The following WDPCP variants were observed in gnomAD, a reference collection of about 807,000 sequenced individuals.
The protein encoded by WDPCP is WD repeat-containing and planar cell polarity effector protein fritz homolog.
A neutral mutation model predicts 93.1 loss-of-function variants in WDPCP; 71 were observed. That is an observed-to-expected ratio of 0.76 (90% CI 0.63 to 0.93). The LOEUF (loss-of-function observed/expected upper bound fraction) is 0.93, where lower values mean the gene tolerates loss of function less well. WDPCP is among the 40% of genes least tolerant of loss of function. The pLI is 0.00. For synonymous variants in WDPCP, 315 were observed against 315.0 expected (o/e 1.00, Z 0.00); for missense variants, 844 against 887.4 (o/e 0.95, Z 0.62).
intron 2 of WDPCP, among the ~76,000 whole-genome samples, chr2:63,787,926 G>A (rs1387557938): frequency 6.6e-6 from 1 of 152,100 alleles, no homozygotes; most frequent in Admixed American, 6.6e-5. Context: ...TGTAATCCCA[G>A]CTACTTGGGA....
intron 2 of WDPCP, among the ~76,000 whole-genome samples, chr2:63,753,466 T>G (rs1015619734): frequency 6.6e-6 from 1 of 152,044 alleles, no homozygotes; most frequent in African/African-American, 2.4e-5. Flanking sequence ...TACCTGAGAC[T>G]AGGTAATTTA....
intron 2 of WDPCP, chr2:63,751,798 G>C (rs1381358403): frequency 1.5e-6 from 1 of 649,180 alleles, no homozygotes; most frequent in Non-Finnish European, 2.9e-6. Flanking sequence ...CAGTGCTTCT[G>C]CTTCCATAGT....
chr2:63,441,538 C>T (rs1697503794), intron 6 of WDPCP: 1 of 151,816 alleles, frequency 6.6e-6, no homozygotes, highest in Admixed American at 6.6e-5. Flanking sequence ...GGCTTGGCCA[C>T]ATTTATCTTT....
intron 15 of WDPCP, among the ~76,000 whole-genome samples, chr2:63,159,449 A>G (rs554386253): frequency 2.0e-5 from 3 of 152,168 alleles, no homozygotes; most frequent in African/African-American, 7.2e-5. Flanking sequence ...TAATTCCAAC[A>G]TTTGTCATCT....
chr2:63,390,111 T>C (rs935590900), intron 10 of WDPCP, among the ~76,000 whole-genome samples: 1 of 152,132 alleles, frequency 6.6e-6, no homozygotes, highest in South Asian at 2.1e-4. Flanking sequence ...CAGCACCACA[T>C]TGCACTTATT....
intron 6 of WDPCP, among the ~76,000 whole-genome samples, chr2:63,475,667 G>C (rs1489372302): frequency 2.6e-5 from 4 of 151,964 alleles, no homozygotes; most frequent in Non-Finnish European, 4.4e-5. Flanking sequence ...TATTAAAACA[G>C]GAATCAAAAT....
At chr2:63,165,735 A>G (rs946208946) in intron 15 of WDPCP, among the ~76,000 whole-genome samples, 2 of 151,246 alleles carry the variant, frequency 1.3e-5, no homozygotes, top group Non-Finnish European at 2.9e-5. Flanking sequence ...TCATTTGCAT[A>G]GAAATTTGCG....
At chr2:63,354,138 T>C (rs1476220598) in intron 12 of WDPCP, among the ~76,000 whole-genome samples, 1 of 152,112 alleles carries the variant, frequency 6.6e-6, no homozygotes, top group Non-Finnish European at 1.5e-5. Flanking sequence ...CAAGCTGCAG[T>C]AGACCCAAAG....
In WDPCP at chr2:63,630,374, TAC is replaced by T. The variant is rs771335923; in HGVS notation, n.488+20283_488+20284del. ...GATTTAAAAAGATGACCTAACTACA[TAC>T]AGTCTACAAGAAACTTACTTCAAAT... On this transcript the variant is annotated intron_variant and non_coding_transcript_variant, in intron 3 of 4. Transcript: ENST00000467687. Among the ~76,000 whole-genome samples the T allele has an allele frequency of 8.6e-4, 131 of 152,210 alleles. No individual in the cohort carries two copies. The Middle Eastern group carries it at 0.01, about 12-fold the overall frequency.
intron 2 of WDPCP, among the ~76,000 whole-genome samples, chr2:63,765,838 G>A (rs567982565): frequency 1.3e-5 from 2 of 152,320 alleles, no homozygotes; most frequent in East Asian, 3.9e-4. Flanking sequence ...CTCTTCTATT[G>A]TAGGAAGGAT....
chr2:63,796,349 G>C (rs1363393387), intron 2 of WDPCP, among the ~76,000 whole-genome samples: 1 of 152,192 alleles, frequency 6.6e-6, no homozygotes, highest in African/African-American at 2.4e-5. Flanking sequence ...TGCTCTGTAG[G>C]AACAACAGAT....
intron 2 of WDPCP, among the ~76,000 whole-genome samples, chr2:63,751,077 A>C (rs2103882600): frequency 6.6e-6 from 1 of 152,282 alleles, no homozygotes; most frequent in African/African-American, 2.4e-5. Context: ...TTCATCAGTG[A>C]AACCATCTGA....
At chr2:63,237,190 C>T (rs974266238) in intron 14 of WDPCP, among the ~76,000 whole-genome samples, 1 of 151,994 alleles carries the variant, frequency 6.6e-6, no homozygotes, top group South Asian at 2.1e-4. Flanking sequence ...AAAGACACTA[C>T]TCAAAAGAAG....
chr2:63,560,104 T>C (rs915942829), intron 1 of WDPCP, among the ~76,000 whole-genome samples: 9 of 151,258 alleles, frequency 6.0e-5, no homozygotes, highest in African/African-American at 2.0e-4. Context: ...ATGCCTGTAA[T>C]CCCAGCTATT....
At chr2:63,679,058 C>A (rs558095980) in intron 2 of WDPCP, among the ~76,000 whole-genome samples, 55 of 152,310 alleles carry the variant, frequency 3.6e-4, no homozygotes, top group African/African-American at 1.2e-3. Flanking sequence ...AATTTCTAAT[C>A]CCGTGCATTA....
At chr2:63,191,631 C>T (rs938652076) in intron 14 of WDPCP, among the ~76,000 whole-genome samples, 1 of 152,128 alleles carries the variant, frequency 6.6e-6, no homozygotes, top group African/African-American at 2.4e-5. Context: ...TCATCCCAGT[C>T]CCCATTAAAC....
chr2:63,420,520 G>A (rs1157236843), intron 9 of WDPCP, among the ~76,000 whole-genome samples: 1 of 144,700 alleles, frequency 6.9e-6, no homozygotes, highest in African/African-American at 2.6e-5. Context: ...GGCAACAGAA[G>A]TGAAACTCCA....
chr2:63,486,542 A>G lies in WDPCP; in HGVS notation c.253T>C (p.Ser85Pro). 6.4e-7 allele frequency: 1 copy of G among 1,571,514 alleles called. No homozygotes were observed. Among genetic ancestry groups the G allele is most frequent in the Non-Finnish European group, 8.7e-7 (1 of 1,155,206 alleles). ...NLEKKQKLAE[S>P]RDYPWTLKNR... ...TCCAAAAAATATAAAGTAAGCTTACACTCTGCCAGCTTCTGCTTCTTTTCT... is the reference window on the plus strand; with the variant it reads ...TCCAAAAAATATAAAGTAAGCTTACGCTCTGCCAGCTTCTGCTTCTTTTCT... Residue 85 changes from serine (S) to proline (P), a missense_variant and splice_region_variant, in exon 4 of 18, where the codon TCA (serine) becomes CCA (proline). Ser to Pro is a moderately conservative substitution (Grantham distance 74). Transcript: ENST00000272321.
intron 14 of WDPCP, among the ~76,000 whole-genome samples, chr2:63,258,619 C>T (rs1410618980): frequency 6.6e-6 from 1 of 152,098 alleles, no homozygotes; most frequent in Non-Finnish European, 1.5e-5. Context: ...CCTGAGGGTT[C>T]TTTGCCTACT....
Sources: gnomAD v4.1 joint callset for allele counts (sites outside exome capture counted in the v4.1 genomes callset) on GRCh38, gnomAD v4.1.1 for gene constraint, MANE v1.5 for transcripts, NCBI Gene and HGNC (gene_info 2026-07-23, HGNC 2026-07-21) for gene names.